AP3B1: variants seen among roughly 807,000 people sequenced by gnomAD.
The protein encoded by AP3B1 is adaptor related protein complex 3 subunit beta 1.
In AP3B1, 61 loss-of-function variants were observed where a neutral mutation model predicts 132.5. The observed-to-expected ratio is 0.46, with a 90% confidence interval of 0.37 to 0.57. The LOEUF (loss-of-function observed/expected upper bound fraction) is 0.57, where lower values mean the gene tolerates loss of function less well. AP3B1 is among the 20% of genes least tolerant of loss of function. The probability of loss-of-function intolerance (pLI) is 0.00; values close to 1 mark genes in which losing one functional copy is unlikely to be tolerated. For missense variants in AP3B1, 1,120 were observed against 1,289.4 expected (o/e 0.87, Z 2.01); for synonymous variants, 388 against 438.3 (o/e 0.89, Z 1.43).
At chr5:78,062,301 T>G (rs903653794) in intron 22 of AP3B1, among the ~76,000 whole-genome samples, 6 of 152,218 alleles carry the variant, frequency 3.9e-5, no homozygotes, top group Admixed American at 3.9e-4. Flanking sequence ...CTCAGCAGGA[T>G]TCCTTCTGCC....
intron 1 of AP3B1, among the ~76,000 whole-genome samples, chr5:78,268,679 C>G (rs1246671397): frequency 6.6e-6 from 1 of 152,140 alleles, no homozygotes; most frequent in African/African-American, 2.4e-5. Context: ...CCCAAATTCC[C>G]AGAGTGCCCA....
Position 78,181,538 on chromosome 5 carries a change from G to C in AP3B1, c.911C>G (p.Thr304Arg). The C allele has an allele frequency of 6.2e-7, 1 of 1,613,044 alleles. No individual in the cohort carries two copies. The highest frequency in any genetic ancestry group is 8.5e-7 in the Non-Finnish European group (1 of 1,179,514). ...DPDHRLLIRN[T>R]KPLLQSRNAA... ...ATTCCTGCTCTGAAGCAAAGGCTTT[G>C]TATTTCTAATTAAGAGTCTATGATC... Residue 304 changes from threonine to arginine, a missense_variant, in exon 8 of 27, where the codon ACA becomes AGA. This residue lies in a region of AP3B1 where 906 missense variants were observed against 997.1 expected (regional missense o/e 0.91). Coordinates refer to ENST00000255194, the MANE Select transcript of AP3B1 (RefSeq NM_003664.5).
intron 20 of AP3B1, among the ~76,000 whole-genome samples, chr5:78,103,434 T>A (rs1751207841): frequency 6.6e-6 from 1 of 152,194 alleles, no homozygotes; most frequent in Admixed American, 6.5e-5. Context: ...AAAAGGCAGA[T>A]GAAATCATAT....
At chr5:78,071,403 T>C (rs1317569811) in intron 22 of AP3B1, among the ~76,000 whole-genome samples, 2 of 152,080 alleles carry the variant, frequency 1.3e-5, no homozygotes, top group Non-Finnish European at 2.9e-5. Context: ...CACTGGGGCC[T>C]GTCAGGGGGC....
chr5:78,144,880 C>A (rs149356008), intron 14 of AP3B1, among the ~76,000 whole-genome samples: 200 of 152,178 alleles, frequency 1.3e-3, no homozygotes, highest in African/African-American at 4.5e-3. Context: ...GTCATCCAGG[C>A]TGGAGTGCGG....
intron 17 of AP3B1, among the ~76,000 whole-genome samples, chr5:78,126,748 G>C (rs547207791): frequency 6.6e-6 from 1 of 152,174 alleles, no homozygotes; most frequent in South Asian, 2.1e-4. Context: ...ATACAGATTT[G>C]TGAACAAGCT....
intron 2 of AP3B1, among the ~76,000 whole-genome samples, chr5:78,250,855 G>A (rs1415695470): frequency 6.6e-6 from 1 of 151,960 alleles, no homozygotes; most frequent in Non-Finnish European, 1.5e-5. Context: ...AATATAATGA[G>A]AGAAGAAAGG....
At chr5:78,145,058 A>G (rs80246425) in intron 14 of AP3B1, among the ~76,000 whole-genome samples, 11 of 152,338 alleles carry the variant, frequency 7.2e-5, no homozygotes, top group Admixed American at 1.3e-4. Context: ...AATGAAGGAT[A>G]CGCCAAAGGA....
rs144873516 is a variant in AP3B1, at chr5:78,234,306, T to C, written c.280-6067A>G. The stretch of plus-strand genomic sequence containing the variant: ...TAAATGATCACTTGGAACCAAGTGA[T>C]GTTACACAAGAATACAAATATAGGT... On this transcript the variant is annotated intron_variant, in intron 3 of 26. Transcript: ENST00000255194. Among the ~76,000 whole-genome samples the C allele has an allele frequency of 1.2e-4, 18 of 152,312 alleles. 2 individuals are homozygous for C. In the East Asian group the frequency reaches 3.5e-3, roughly 29 times the overall value.
chr5:78,127,416 G>C (rs374186555), intron 17 of AP3B1, among the ~76,000 whole-genome samples: 1 of 152,062 alleles, frequency 6.6e-6, no homozygotes, highest in Admixed American at 6.6e-5. Flanking sequence ...GATAATATTA[G>C]AAAAGAATGT....
At chr5:78,161,675 A>G (rs1213363638) in intron 13 of AP3B1, among the ~76,000 whole-genome samples, 2 of 151,996 alleles carry the variant, frequency 1.3e-5, no homozygotes, top group Non-Finnish European at 2.9e-5. Flanking sequence ...TATCGTCTTG[A>G]TAATTTTGGT....
chr5:78,150,565 C>T (rs982338709), intron 14 of AP3B1, among the ~76,000 whole-genome samples: 1 of 152,032 alleles, frequency 6.6e-6, no homozygotes, highest in Non-Finnish European at 1.5e-5. Flanking sequence ...GATAGAATGA[C>T]AAACACATAA....
chr5:78,101,420 C>G, intron 20 of AP3B1: 1 of 396,316 alleles, frequency 2.5e-6, no homozygotes. Context: ...ATGCATAGCT[C>G]AGATATTTTT....
Position 78,129,178 on chromosome 5 carries a change from C to T in AP3B1, c.1780G>A (p.Ala594Thr). 6.2e-7 allele frequency: 1 copy of T among 1,613,116 alleles called. No individual in the cohort carries two copies. Among genetic ancestry groups the T allele is most frequent in the Non-Finnish European group, 8.5e-7 (1 of 1,179,472 alleles). The change falls in exon 16 of 27, where the codon GCC becomes ACC. Residue 594 changes from alanine (A) to threonine (T), a missense_variant. Transcript: ENST00000255194. ...TTTTGTGCTAGGAATATTTTTTTGG[C>T]ATATTTACTTAAAGCTCCACTCTTT... ...NVKSGALSKY[A>T]KKIFLAQKPA...
intron 6 of AP3B1, among the ~76,000 whole-genome samples, chr5:78,224,807 C>T (rs1459030094): frequency 1.3e-5 from 2 of 151,834 alleles, no homozygotes; most frequent in Non-Finnish European, 2.9e-5. Context: ...AAATTATAAA[C>T]ATACATGCAC....
chr5:78,241,702 A>G (rs967132773), intron 2 of AP3B1, among the ~76,000 whole-genome samples: 2 of 152,340 alleles, frequency 1.3e-5, no homozygotes, highest in Admixed American at 6.5e-5. Context: ...CTAAGATTTC[A>G]TTCACCGTTA....
intron 14 of AP3B1, among the ~76,000 whole-genome samples, chr5:78,155,857 A>G (rs1743127443): frequency 6.6e-6 from 1 of 152,186 alleles, no homozygotes; most frequent in South Asian, 2.1e-4. Flanking sequence ...ATAGTATAAA[A>G]TAATATCTCA....
At chr5:78,122,685 T>A (rs377262912) in intron 17 of AP3B1, among the ~76,000 whole-genome samples, 1 of 151,942 alleles carries the variant, frequency 6.6e-6, no homozygotes, top group African/African-American at 2.4e-5. Flanking sequence ...CACTGCTCAA[T>A]GAAATAAAAG....
chr5:78,177,137 T>C (rs1029782338), intron 9 of AP3B1, among the ~76,000 whole-genome samples: 1 of 152,196 alleles, frequency 6.6e-6, no homozygotes, highest in Non-Finnish European at 1.5e-5. Context: ...GGCTTGAGGT[T>C]AAAAAGTTTC....
Sources: allele counts gnomAD v4.1 joint callset (sites outside exome capture counted in the v4.1 genomes callset), GRCh38; gene constraint gnomAD v4.1.1; regional missense constraint gnomAD v4.1.1; transcripts MANE v1.5; gene names NCBI Gene and HGNC (gene_info 2026-07-23, HGNC 2026-07-21).